GLIS3: variants seen among roughly 807,000 people sequenced by gnomAD.
The protein encoded by GLIS3 is GLIS family zinc finger 3.
In GLIS3, 53 loss-of-function variants were observed where a neutral mutation model predicts 78.6. The observed-to-expected ratio is 0.67, with a 90% CI of 0.54 to 0.85. The LOEUF is 0.85. Among genes scored for constraint, GLIS3 ranks in the 40% least tolerant of loss-of-function variants. The pLI, the probability that GLIS3 is intolerant of heterozygous loss-of-function variation, is 0.00. For synonymous variants in GLIS3, 684 were observed against 509.9 expected (o/e 1.34, Z -4.60); for missense variants, 1,703 against 1,231.1 (o/e 1.38, Z -5.74).
At chr9:4,325,225 G>A (rs559357318) in intron 2 of GLIS3, among the ~76,000 whole-genome samples, 26 of 152,214 alleles carry the variant, frequency 1.7e-4, no homozygotes, top group African/African-American at 5.5e-4. Flanking sequence ...TTTTTCTCCT[G>A]TATGTTTTAC....
chr9:4,294,554 C>T (rs1587343153), intron 1 of GLIS3, among the ~76,000 whole-genome samples: 1 of 151,938 alleles, frequency 6.6e-6, no homozygotes. Context: ...ATCCACATCA[C>T]ATGCTTAGCA....
intron 2 of GLIS3, among the ~76,000 whole-genome samples, chr9:4,173,561 TACACACACACACACACACAC>T (rs34572625): frequency 0.24 from 35,009 of 146,490 alleles, 4,969 homozygotes; most frequent in East Asian, 0.42. Context: ...TGTGTATAGA[TACACACACACACACACACAC>T]ACACACACAC....
intron 2 of GLIS3, among the ~76,000 whole-genome samples, chr9:4,173,993 A>T (rs554211121): frequency 5.0e-4 from 76 of 152,026 alleles, no homozygotes; most frequent in African/African-American, 8.9e-4. Flanking sequence ...CCATTTGTTT[A>T]AAAAAAACTT....
chr9:4,169,950 A>T (rs531015493), intron 2 of GLIS3, among the ~76,000 whole-genome samples: 1 of 152,214 alleles, frequency 6.6e-6, no homozygotes, highest in Admixed American at 6.6e-5. Context: ...TTTCTCTTAG[A>T]CACAAGCGTC....
intron 4 of GLIS3, among the ~76,000 whole-genome samples, chr9:4,115,628 C>G (rs1246858890): frequency 1.3e-5 from 2 of 152,026 alleles, no homozygotes; most frequent in Non-Finnish European, 2.9e-5. Flanking sequence ...TATCACCCTA[C>G]AAATCAAGCA....
chr9:4,044,401 C>G (rs531515145), intron 4 of GLIS3, among the ~76,000 whole-genome samples: 1 of 152,260 alleles, frequency 6.6e-6, no homozygotes, highest in East Asian at 1.9e-4. Context: ...TTGTTCCTTT[C>G]CCTTAGGAAA....
At chr9:4,145,545 A>G (rs13299873) in intron 2 of GLIS3, among the ~76,000 whole-genome samples, 41,594 of 152,046 alleles carry the variant, frequency 0.27, 5,871 homozygotes, top group Admixed American at 0.34. Context: ...CTTAAGAATG[A>G]GGCTAAAATG....
intron 2 of GLIS3, among the ~76,000 whole-genome samples, chr9:4,329,505 C>G (rs1817652062): frequency 6.6e-6 from 1 of 152,126 alleles, no homozygotes; most frequent in African/African-American, 2.4e-5. Flanking sequence ...AATAAGACCA[C>G]CATAACCCCA....
the GLIS3 span, among the ~76,000 whole-genome samples, chr9:4,395,601 C>T: frequency 6.6e-6 from 1 of 152,116 alleles, no homozygotes; most frequent in East Asian, 1.9e-4. Flanking sequence ...ACCCACTTGT[C>T]AGTACAAACC....
intron 9 of GLIS3, among the ~76,000 whole-genome samples, chr9:3,838,550 A>G (rs1280608868): frequency 1.3e-5 from 2 of 152,214 alleles, no homozygotes; most frequent in Non-Finnish European, 2.9e-5. Flanking sequence ...AACAGCAAGT[A>G]TAAGAAGAAT....
At chr9:4,152,619 C>G (rs1834766302) in intron 2 of GLIS3, among the ~76,000 whole-genome samples, 1 of 152,248 alleles carries the variant, frequency 6.6e-6, no homozygotes, top group East Asian at 1.9e-4. Context: ...GGTGTTCACT[C>G]TCTCCTTTTC....
chr9:4,402,237 C>T, the GLIS3 span, among the ~76,000 whole-genome samples: 1 of 152,200 alleles, frequency 6.6e-6, no homozygotes, highest in Non-Finnish European at 1.5e-5. Context: ...GAAAATTCTT[C>T]CAAATCTCAT....
chr9:4,174,183 G>A (rs1390294345), intron 2 of GLIS3, among the ~76,000 whole-genome samples: 1 of 152,096 alleles, frequency 6.6e-6, no homozygotes, highest in Non-Finnish European at 1.5e-5. Context: ...CTATAAGAAT[G>A]CAAAAGATAA....
intron 2 of GLIS3, among the ~76,000 whole-genome samples, chr9:4,240,687 A>G (rs1327492974): frequency 1.3e-5 from 2 of 152,222 alleles, no homozygotes; most frequent in African/African-American, 4.8e-5. Flanking sequence ...AAAAGGAATG[A>G]GACAACTATG....
At chr9:3,963,459 G>A (rs965950328) in intron 4 of GLIS3, among the ~76,000 whole-genome samples, 9 of 152,024 alleles carry the variant, frequency 5.9e-5, no homozygotes, top group African/African-American at 9.7e-5. Flanking sequence ...GCATCCTTCC[G>A]AAGTCTGAGT....
intron 2 of GLIS3, among the ~76,000 whole-genome samples, chr9:4,204,617 A>G (rs1819690456): frequency 6.6e-6 from 1 of 152,118 alleles, no homozygotes; most frequent in African/African-American, 2.4e-5. Context: ...CAAGAGAGTC[A>G]AGTATCAAGA....
intron 2 of GLIS3, among the ~76,000 whole-genome samples, chr9:4,267,945 C>CTGTGTGTG: frequency 8.1e-6 from 1 of 122,762 alleles, no homozygotes; most frequent in South Asian, 2.3e-4. Flanking sequence ...ATAAAAATAC[C>CTGTGTGTG]TGTGTGTGTG....
upstream of GLIS3, among the ~76,000 whole-genome samples, chr9:4,350,093 A>G (rs566523695): frequency 4.6e-5 from 7 of 152,370 alleles, no homozygotes; most frequent in East Asian, 1.4e-3. Flanking sequence ...GACAGCTGAT[A>G]GCAGCATAGT....
intron 2 of GLIS3, among the ~76,000 whole-genome samples, chr9:4,195,922 T>C (rs1818796470): frequency 6.6e-6 from 1 of 152,230 alleles, no homozygotes; most frequent in South Asian, 2.1e-4. Context: ...CAATCAGCAC[T>C]TTGTATCTAG....
Sources: allele counts gnomAD v4.1 joint callset (sites outside exome capture counted in the v4.1 genomes callset), GRCh38; gene constraint gnomAD v4.1.1; transcripts MANE v1.5; gene names NCBI Gene and HGNC (gene_info 2026-07-23, HGNC 2026-07-21).